CYTH3: variants seen among roughly 807,000 people sequenced by gnomAD.
CYTH3 encodes cytohesin 3, also known as cytohesin-3.
In CYTH3, 23 loss-of-function variants were observed where a neutral mutation model predicts 55.1. The ratio of observed to expected loss-of-function variants is 0.42; its 90% CI spans 0.30 to 0.59. The LOEUF is 0.59. Among genes scored for constraint, CYTH3 ranks in the 20% least tolerant of loss-of-function variants. The probability of loss-of-function intolerance (pLI) is 0.20; values close to 1 mark genes in which losing one functional copy is unlikely to be tolerated. For synonymous variants in CYTH3, 249 were observed against 194.9 expected, an observed-to-expected ratio of 1.28 and a Z score of -2.31; for missense variants, 413 against 524.8, an observed-to-expected ratio of 0.79 and a Z score of 2.08.
At chr7:6,242,854 C>G (rs1583190887) in intron 1 of CYTH3, among the ~76,000 whole-genome samples, 3 of 152,102 alleles carry the variant, frequency 2.0e-5, no homozygotes, top group Admixed American at 6.5e-5. Context: ...ACCCTCTAGG[C>G]AGTCCCTGTG....
At chr7:6,251,521 C>T (rs1779963895) in intron 1 of CYTH3, among the ~76,000 whole-genome samples, 2 of 152,078 alleles carry the variant, frequency 1.3e-5, no homozygotes, top group Admixed American at 1.3e-4. Context: ...CCGTTCATGG[C>T]GGCGCAGACA....
intron 4 of CYTH3, among the ~76,000 whole-genome samples, chr7:6,179,647 C>CA (rs1562881306): frequency 1.9e-4 from 20 of 103,884 alleles, no homozygotes; most frequent in Non-Finnish European, 4.0e-4. Flanking sequence ...CTCACACACC[C>CA]CACACCCCAC....
At chr7:6,191,794 T>G (rs984895433) in intron 1 of CYTH3, among the ~76,000 whole-genome samples, 35 of 152,124 alleles carry the variant, frequency 2.3e-4, no homozygotes, top group African/African-American at 8.0e-4. Flanking sequence ...GTTAAGAAAC[T>G]AGGCCAGGCA....
intron 1 of CYTH3, among the ~76,000 whole-genome samples, chr7:6,249,214 C>A (rs1244331915): frequency 6.6e-6 from 1 of 152,104 alleles, no homozygotes; most frequent in Admixed American, 6.6e-5. Context: ...ACAGCTTGTC[C>A]ACTGGAGGGC....
At chr7:6,264,161 C>T (rs1199570700) in intron 1 of CYTH3, among the ~76,000 whole-genome samples, 5 of 151,980 alleles carry the variant, frequency 3.3e-5, no homozygotes, top group Non-Finnish European at 5.9e-5. Flanking sequence ...GCAGAAGAAT[C>T]GCTTGAATCC....
chr7:6,259,758 T>TATTATATATATATA (rs1780244232), intron 1 of CYTH3, among the ~76,000 whole-genome samples: 3 of 27,322 alleles, frequency 1.1e-4, no homozygotes, highest in African/African-American at 9.6e-4. Flanking sequence ...ATATATATAT[T>TATTATATATATATA]ATATATATAT....
In CYTH3 at chr7:6,162,540, C is replaced by G. The variant is rs1189298162; in HGVS notation, c.*2404G>C. 1 of 152,226 alleles carries G rather than the reference C, an allele frequency of 6.6e-6. No homozygotes were observed. Among genetic ancestry groups the G allele is most frequent in the Non-Finnish European group, 1.5e-5 (1 of 68,068 alleles). The allele number at this position is 152,226 out of a possible 1,614,324, so 9.4% of individuals were successfully genotyped here. A position where few individuals can be genotyped will look rare whatever the true frequency, so the allele number is the denominator to read the frequency against. On this transcript the variant is annotated 3_prime_UTR_variant, in exon 13 of 13. Coordinates refer to ENST00000350796, the MANE Select transcript of CYTH3 (RefSeq NM_004227.4). ...GGCTGGCCCTGCGCAGTCACTGACC[C>G]AGAGTTTTCTGGACCAGGCCTGCCT...
chr7:6,167,454 CTG>C lies in CYTH3; in HGVS notation c.824-1646_824-1645del, dbSNP rs1195211384. Among the ~76,000 whole-genome samples the C allele has an allele frequency of 6.6e-6, 1 of 152,266 alleles. No individual in the cohort carries two copies. The highest frequency in any genetic ancestry group is 2.4e-5 in the African/African-American group (1 of 41,476). On this transcript the variant is annotated intron_variant, in intron 9 of 12. Transcript: ENST00000350796. The surrounding 1 kb of genome is among the most constrained non-coding windows in gnomAD (Gnocchi z 5.5). ...AACTCCACTACCCTGACATCCGTCA[CTG>C]TCACGGTCGCCTCTGCTTCCCTCCA...
intron 2 of CYTH3, among the ~76,000 whole-genome samples, chr7:6,188,120 A>T (rs1783702399): frequency 6.6e-6 from 1 of 152,138 alleles, no homozygotes; most frequent in African/African-American, 2.4e-5. Flanking sequence ...TGAGATCAGG[A>T]GTTTGAGAAC....
Position 6,218,999 on chromosome 7 carries a change from G to A in CYTH3, c.35-28468C>T, listed in dbSNP as rs968197397. Among the ~76,000 whole-genome samples, 11 of 84,282 alleles carry A rather than the reference G, an allele frequency of 1.3e-4. No homozygotes were observed. In the East Asian group the frequency reaches 1.5e-3, roughly 11 times the overall value. 55.3% of individuals were successfully genotyped at this position (84,282 alleles called of 152,430 possible). On this transcript the variant is annotated intron_variant, in intron 1 of 12. Coordinates refer to ENST00000350796, the MANE Select transcript of CYTH3 (RefSeq NM_004227.4). ...CAGGCTGGCAACGGGGAGAGACTCC[G>A]TCTCAAAAAAAAAAAAAAAAAAAAA...
At chr7:6,260,366 G>C (rs1046208789) in intron 1 of CYTH3, among the ~76,000 whole-genome samples, 1 of 152,030 alleles carries the variant, frequency 6.6e-6, no homozygotes, top group Admixed American at 6.5e-5. Flanking sequence ...ATGATTATTG[G>C]TCTCCTGTGA....
intron 2 of CYTH3, among the ~76,000 whole-genome samples, chr7:6,188,383 A>G (rs1783713005): frequency 6.6e-6 from 1 of 151,896 alleles, no homozygotes; most frequent in African/African-American, 2.4e-5. Flanking sequence ...GCAAAAGGAA[A>G]GCCATGAGTC....
chr7:6,207,714 T>C (rs542094777), intron 1 of CYTH3, among the ~76,000 whole-genome samples: 149 of 150,610 alleles, frequency 9.9e-4, no homozygotes, highest in Non-Finnish European at 1.2e-3. Context: ...CTTTGGGAGG[T>C]CGAGGCAGGC....
intron 1 of CYTH3, among the ~76,000 whole-genome samples, chr7:6,231,435 G>A (rs749851492): frequency 7.2e-5 from 11 of 152,160 alleles, no homozygotes; most frequent in African/African-American, 2.2e-4. Context: ...TCAAGACAGC[G>A]TCTCAGTCTT....
Position 6,209,890 on chromosome 7 carries a change from T to C in CYTH3, c.35-19359A>G, listed in dbSNP as rs143664154. Among the ~76,000 whole-genome samples the C allele has an allele frequency of 6.0e-3, 907 of 152,268 alleles. 15 individuals carry two copies. Among genetic ancestry groups the C allele is most frequent in the African/African-American group, 0.021 (871 of 41,552 alleles). On this transcript the variant is annotated intron_variant, in intron 1 of 12. Coordinates refer to ENST00000350796, the MANE Select transcript of CYTH3 (RefSeq NM_004227.4). ...TACATATTGTACAATTTCAACTAGA[T>C]GGCATTCTGGAAAAGGCAATGCTAC...
intron 5 of CYTH3, among the ~76,000 whole-genome samples, chr7:6,176,608 T>C (rs999745774): frequency 6.6e-6 from 1 of 152,212 alleles, no homozygotes; most frequent in African/African-American, 2.4e-5. Context: ...TTACTGAATG[T>C]ATTACTTCTA....
chr7:6,272,372 G>A (rs1007476470), intron 1 of CYTH3, 102 bp downstream of exon 1: 5 of 1,070,946 alleles, frequency 4.7e-6, no homozygotes, highest in African/African-American at 1.7e-5. Flanking sequence ...CCCCGACCCC[G>A]TCTCCTCCGG....
In CYTH3 at chr7:6,171,526, CT is replaced by C. The variant is rs1783194278; in HGVS notation, c.450-213del. ...CGAGACACGCTTACTGATGGCTCAT[CT>C]TTTTGTAACTACAACCAATTCAGCA... On this transcript the variant is annotated intron_variant, in intron 6 of 12. Transcript: ENST00000350796. This position sits in a 1 kb window ranked among gnomAD's most constrained non-coding sequence, Gnocchi z 6.7. 6.6e-6 allele frequency among the ~76,000 whole-genome samples: 1 copy of C among 152,172 alleles called. No individual in the cohort carries two copies.
intron 9 of CYTH3, among the ~76,000 whole-genome samples, chr7:6,168,694 C>T (rs1312665784): frequency 6.6e-6 from 1 of 152,234 alleles, no homozygotes; most frequent in Non-Finnish European, 1.5e-5. Flanking sequence ...TGTGTGCACT[C>T]ATTTCATGGC....
Sources: allele counts gnomAD v4.1 joint callset (sites outside exome capture counted in the v4.1 genomes callset), GRCh38; gene constraint gnomAD v4.1.1; non-coding constraint Gnocchi (gnomAD v3.1); transcripts MANE v1.5; gene names NCBI Gene and HGNC (gene_info 2026-07-23, HGNC 2026-07-21).